ATP6AP2: variants seen among roughly 807,000 people sequenced by gnomAD.
ATP6AP2 encodes renin receptor.
In ATP6AP2, 1 loss-of-function variant was observed where a neutral mutation model predicts 23.4. That is an observed-to-expected ratio of 0.04 (90% confidence interval 0.02 to 0.20). The LOEUF (loss-of-function observed/expected upper bound fraction) is 0.20. Among genes scored for constraint, ATP6AP2 ranks in the 10% least tolerant of loss-of-function variants. ATP6AP2 has a pLI of 1.00. For synonymous variants in ATP6AP2, 90 were observed against 97.1 expected (o/e 0.93, Z 0.43); for missense variants, 174 against 271.3 (o/e 0.64, Z 2.52).
chrX:40,586,699 A>G (rs1234512213), intron 1 of ATP6AP2, among the ~76,000 whole-genome samples: 3 of 112,085 alleles, frequency 2.7e-5, no homozygotes, highest in Non-Finnish European at 5.6e-5. Context: ...GGTAGTATTG[A>G]AATAGAGGAG....
In ATP6AP2 at chrX:40,581,115, G is replaced by A; in HGVS notation, c.37+13G>A. On this transcript the variant is annotated intron_variant, in intron 1 of 8. Transcript: ENST00000636580. ...GCGTTGGTGGCGGGTGAGGAGCCGG[G>A]GGCCGGCAGGACGTGCCTGGGGAGG... is the stretch of plus-strand genomic sequence containing the variant. 1 of 1,159,287 alleles carries A rather than the reference G, an allele frequency of 8.6e-7. No individual in the cohort carries two copies. The highest frequency in any genetic ancestry group is 1.1e-6 in the Non-Finnish European group (1 of 870,326).
chrX:40,599,627 T>G lies in ATP6AP2; in HGVS notation c.624T>G (p.Ser208=). 8.3e-7 allele frequency: 1 copy of G among 1,211,660 alleles called. No individual in the cohort carries two copies. ...SRHKHLAKDH[S]PDLYSLELAG... ...ATAAGCATCTAGCCAAGGATCATTCTCCTGATTTATATTCACTGGAGCTGG... is the reference window on the plus strand; with the variant it reads ...ATAAGCATCTAGCCAAGGATCATTCGCCTGATTTATATTCACTGGAGCTGG... The change falls in exon 7 of 9, where the codon TCT becomes TCG. Residue 208 remains serine, a synonymous_variant. Coordinates refer to ENST00000636580, the MANE Select transcript of ATP6AP2 (RefSeq NM_005765.3).
At chrX:40,596,965 A>G (rs941750212) in intron 3 of ATP6AP2, 5 of 263,815 alleles carry the variant, frequency 1.9e-5, no homozygotes, top group Non-Finnish European at 3.3e-5. Flanking sequence ...CTTCAAATAC[A>G]TGAATGACCA....
rs763373431 is a variant in ATP6AP2, at chrX:40,581,644, C to T, written c.37+542C>T. Among the ~76,000 whole-genome samples the T allele has an allele frequency of 2.4e-3, 266 of 111,742 alleles. 2 individuals are homozygous for T. The highest frequency in any genetic ancestry group is 2.8e-3 in the Non-Finnish European group (151 of 53,150). On this transcript the variant is annotated intron_variant, in intron 1 of 8. Coordinates refer to ENST00000636580, the MANE Select transcript of ATP6AP2 (RefSeq NM_005765.3). ...TTTATATGACTTATATTTCTTAAGG[C>T]GAATACAAAGCACCTCTCAATAGTT...
chrX:40,591,459 T>C (rs1044323568), intron 3 of ATP6AP2, 94 bp downstream of exon 3: 27 of 1,001,301 alleles, frequency 2.7e-5, no homozygotes, highest in Non-Finnish European at 3.6e-5. Flanking sequence ...ACTTCTCTTA[T>C]CTGTTTTTGA....
intron 8 of ATP6AP2, among the ~76,000 whole-genome samples, chrX:40,602,676 G>C (rs759255650): frequency 1.8e-3 from 188 of 107,153 alleles, no homozygotes; most frequent in Non-Finnish European, 3.1e-3. Flanking sequence ...ACCGAATGTG[G>C]TAAGCAGGCC....
intron 1 of ATP6AP2, among the ~76,000 whole-genome samples, chrX:40,585,699 T>C (rs1351045866): frequency 9.1e-6 from 1 of 109,383 alleles, no homozygotes; most frequent in Non-Finnish European, 1.9e-5. Context: ...ACCAAAAAAA[T>C]ACACAAGTTA....
chrX:40,598,670 G>A lies in ATP6AP2; in HGVS notation c.535-11G>A, dbSNP rs1926832423. 8.3e-7 allele frequency: 1 copy of A among 1,206,569 alleles called. No homozygotes were observed. The highest frequency in any genetic ancestry group is 3.0e-5 in the East Asian group (1 of 33,788). On this transcript the variant is annotated splice_polypyrimidine_tract_variant and intron_variant, in intron 5 of 8. Coordinates refer to ENST00000636580, the MANE Select transcript of ATP6AP2 (RefSeq NM_005765.3). The stretch of plus-strand genomic sequence containing the variant: ...TTAAAAGAATGCTCTTTTTTTTTGG[G>A]CTCTCTGAAGGTTGACCTGCTCTTT...
At chrX:40,593,488 A>G (rs976428008) in intron 3 of ATP6AP2, among the ~76,000 whole-genome samples, 6 of 109,671 alleles carry the variant, frequency 5.5e-5, no homozygotes, top group Non-Finnish European at 1.1e-4. Flanking sequence ...TTATGTTTAT[A>G]TACCACATTT....
chrX:40,598,256 G>C (rs143466266), intron 5 of ATP6AP2: 3,329 of 173,132 alleles, frequency 0.019, 109 homozygotes, highest in African/African-American at 0.096. Flanking sequence ...CCACTTTCGT[G>C]GTGGCCTCCC....
intron 3 of ATP6AP2, 125 bp from the exon 4 acceptor site, chrX:40,597,124 G>A (rs1314836007): frequency 9.0e-6 from 5 of 552,512 alleles, no homozygotes; most frequent in African/African-American, 2.3e-5. Context: ...AAATGATTTC[G>A]GGCTTCTAAA....
intron 2 of ATP6AP2, chrX:40,589,341 T>A (rs1926564229): frequency 1.1e-5 from 4 of 369,238 alleles, no homozygotes; most frequent in Non-Finnish European, 1.9e-5. Flanking sequence ...GAGACCAACC[T>A]GGGCAACATA....
chrX:40,581,128 G>T, intron 1 of ATP6AP2, 26 bp downstream of exon 1: 2 of 1,148,805 alleles, frequency 1.7e-6, no homozygotes. Context: ...CCGGCAGGAC[G>T]TGCCTGGGGA....
At chrX:40,603,009 C>CT (rs1202872862) in intron 8 of ATP6AP2, among the ~76,000 whole-genome samples, 1 of 101,680 alleles carries the variant, frequency 9.8e-6, no homozygotes, top group African/African-American at 3.8e-5. Context: ...TCTCAACTCA[C>CT]TGCAGCCTCC....
intron 5 of ATP6AP2, chrX:40,597,930 T>G (rs1458251905): frequency 3.2e-6 from 1 of 308,779 alleles, no homozygotes; most frequent in Non-Finnish European, 5.8e-6. Flanking sequence ...GATTCTTCTT[T>G]AGTGTAATTT....
intron 8 of ATP6AP2, among the ~76,000 whole-genome samples, chrX:40,601,271 A>C (rs564627723): frequency 9.0e-6 from 1 of 110,866 alleles, no homozygotes; most frequent in East Asian, 2.8e-4. Flanking sequence ...GTTTGAGGCC[A>C]GTCTGAGGAA....
At chrX:40,594,020 A>T (rs1001032181) in intron 3 of ATP6AP2, among the ~76,000 whole-genome samples, 2 of 111,620 alleles carry the variant, frequency 1.8e-5, no homozygotes, top group African/African-American at 6.5e-5. Flanking sequence ...TGGTGACTAT[A>T]TTAAATAATA....
chrX:40,589,259 A>T lies in ATP6AP2; in HGVS notation c.168+143A>T, dbSNP rs763230494. 14 of 701,597 alleles carry T rather than the reference A, an allele frequency of 2.0e-5. No individual in the cohort carries two copies. The East Asian group carries it at 5.0e-4, about 25-fold the overall frequency. 57.8% of individuals were successfully genotyped at this position (701,597 alleles called of 1,213,427 possible). Reference sequence around the variant, plus strand: ...GTTAAAAAGCTCATCTGGACCAGGCACAGTGGCTCACGCCTGTAATCCCGG... The same window carrying T: ...GTTAAAAAGCTCATCTGGACCAGGCTCAGTGGCTCACGCCTGTAATCCCGG... On this transcript the variant is annotated intron_variant, in intron 2 of 8. Transcript: ENST00000636580.
intron 2 of ATP6AP2, chrX:40,589,482 T>C (rs1926567043): frequency 5.8e-6 from 1 of 172,139 alleles, no homozygotes. Context: ...TATATAATTA[T>C]TTATTCATAG....
Sources: allele counts gnomAD v4.1 joint callset (sites outside exome capture counted in the v4.1 genomes callset), GRCh38; gene constraint gnomAD v4.1.1; transcripts MANE v1.5; gene names NCBI Gene and HGNC (gene_info 2026-07-23, HGNC 2026-07-21).